The following LCLAT1 variants were observed in gnomAD, a reference collection of about 807,000 sequenced individuals.
The protein encoded by LCLAT1 is 1-AGP acyltransferase 8.
LCLAT1 carries 11 observed loss-of-function variants against 30.7 expected under a neutral mutation model. The ratio of observed to expected loss-of-function variants is 0.36; its 90% CI spans 0.23 to 0.59. The LOEUF is 0.59. LCLAT1 is among the 20% of genes least tolerant of loss of function. The probability of loss-of-function intolerance (pLI) is 0.77; values close to 1 mark genes in which losing one functional copy is unlikely to be tolerated. For synonymous variants in LCLAT1, 155 were observed against 151.3 expected (o/e 1.02, Z -0.18); for missense variants, 402 against 458.6 (o/e 0.88, Z 1.13).
At chr2:30,622,882 A>G (rs1174029729) in intron 5 of LCLAT1, among the ~76,000 whole-genome samples, 2 of 152,112 alleles carry the variant, frequency 1.3e-5, no homozygotes, top group Non-Finnish European at 2.9e-5. Flanking sequence ...TTCTGGTAAT[A>G]TGACAAAAGA....
In LCLAT1 at chr2:30,591,832, A is replaced by G. The variant is rs139620259; in HGVS notation, c.628+23656A>G. 4.5e-3 allele frequency among the ~76,000 whole-genome samples: 692 copies of G among 152,174 alleles called. 2 individuals are homozygous for G. Among genetic ancestry groups the G allele is most frequent in the Non-Finnish European group, 7.2e-3 (488 of 67,988 alleles). ...CTAGTCCAGAGCTGAATACCTATAC[A>G]CCTTGAAAATTGGCTTGGTTATTGC... On this transcript the variant is annotated intron_variant, in intron 5 of 5. Transcript: ENST00000379509.
At chr2:30,501,569 G>A (rs1318015793) in intron 1 of LCLAT1, among the ~76,000 whole-genome samples, 1 of 152,128 alleles carries the variant, frequency 6.6e-6, no homozygotes, top group Non-Finnish European at 1.5e-5. Context: ...CAGCTATTTG[G>A]GAGGCTCAGG....
chr2:30,583,021 G>A (rs1290388304), intron 5 of LCLAT1, among the ~76,000 whole-genome samples: 1 of 152,096 alleles, frequency 6.6e-6, no homozygotes, highest in Non-Finnish European at 1.5e-5. Flanking sequence ...CCATTTTTCT[G>A]CACTATAAAC....
At chr2:30,543,898 A>G (rs958147889) in intron 3 of LCLAT1, among the ~76,000 whole-genome samples, 37 of 151,742 alleles carry the variant, frequency 2.4e-4, no homozygotes, top group African/African-American at 8.0e-4. Flanking sequence ...ACTGATTTCT[A>G]TTCTTATCTT....
At chr2:30,605,941 C>G (rs1489095221) in intron 5 of LCLAT1, 19 of 1,104,854 alleles carry the variant, frequency 1.7e-5, no homozygotes, top group Non-Finnish European at 2.1e-5. Context: ...CTAGATCCCT[C>G]ACTTGCACAG....
At chr2:30,562,344 C>A (rs984558966) in intron 4 of LCLAT1, 52 bp downstream of exon 4, 3 of 1,435,476 alleles carry the variant, frequency 2.1e-6, no homozygotes, top group Non-Finnish European at 9.5e-7. Flanking sequence ...CTAAACTTCT[C>A]ATTTCTCAGA....
chr2:30,469,472 C>T lies in LCLAT1; in HGVS notation c.-5+22089C>T, dbSNP rs181709010. 2.1e-3 allele frequency among the ~76,000 whole-genome samples: 323 copies of T among 151,866 alleles called. 2 individuals are homozygous for T. Among genetic ancestry groups the T allele is most frequent in the Admixed American group, 2.9e-3 (45 of 15,258 alleles). ...AGTATCATTTGTTACAGATATTGTT[C>T]TCTCTCCATTGAATGGTCTTTGCAC... On this transcript the variant is annotated intron_variant, in intron 1 of 5. Transcript: ENST00000379509.
At chr2:30,505,196 G>A (rs1684595497) in intron 1 of LCLAT1, among the ~76,000 whole-genome samples, 1 of 151,986 alleles carries the variant, frequency 6.6e-6, no homozygotes, top group South Asian at 2.1e-4. Flanking sequence ...ATACTAAGAG[G>A]GAATTAATGA....
chr2:30,447,990 G>A (rs1309035592), intron 1 of LCLAT1, among the ~76,000 whole-genome samples: 1 of 152,230 alleles, frequency 6.6e-6, no homozygotes, highest in Non-Finnish European at 1.5e-5. Flanking sequence ...TGATCTTTAA[G>A]GTGTATCGTA....
At chr2:30,481,879 T>A (rs1485143386) in intron 1 of LCLAT1, among the ~76,000 whole-genome samples, 1 of 152,216 alleles carries the variant, frequency 6.6e-6, no homozygotes, top group African/African-American at 2.4e-5. Flanking sequence ...GCATTATCCA[T>A]AAATGGCTGT....
chr2:30,567,240 TC>T (rs1224229910), intron 4 of LCLAT1, among the ~76,000 whole-genome samples: 7 of 152,220 alleles, frequency 4.6e-5, no homozygotes, highest in Non-Finnish European at 7.3e-5. Flanking sequence ...TTTCATGAAA[TC>T]TTTTAAACAA....
At chr2:30,484,083 A>G (rs1683449759) in intron 1 of LCLAT1, among the ~76,000 whole-genome samples, 2 of 152,184 alleles carry the variant, frequency 1.3e-5, no homozygotes, top group African/African-American at 4.8e-5. Context: ...GTGGCCTCCC[A>G]GGAAAATTAG....
At chr2:30,639,291 T>G (rs1331315436) in intron 5 of LCLAT1, among the ~76,000 whole-genome samples, 1 of 152,200 alleles carries the variant, frequency 6.6e-6, no homozygotes, top group Non-Finnish European at 1.5e-5. Flanking sequence ...TATGCATGCC[T>G]GCCTCCCCAG....
chr2:30,467,995 T>C (rs1352342672), intron 1 of LCLAT1, among the ~76,000 whole-genome samples: 1 of 152,220 alleles, frequency 6.6e-6, no homozygotes, highest in Non-Finnish European at 1.5e-5. Flanking sequence ...TTTGGTGTTT[T>C]AGACATGAAG....
intron 5 of LCLAT1, among the ~76,000 whole-genome samples, chr2:30,634,517 T>C (rs1307927538): frequency 1.3e-5 from 2 of 152,098 alleles, no homozygotes; most frequent in Admixed American, 1.3e-4. Context: ...TCCCAGCTAC[T>C]CGGGAGGCTG....
intron 3 of LCLAT1, among the ~76,000 whole-genome samples, chr2:30,548,323 G>T (rs1264067758): frequency 6.6e-6 from 1 of 152,140 alleles, no homozygotes; most frequent in Non-Finnish European, 1.5e-5. Context: ...GCCCAAAGTG[G>T]TCGGGGTACA....
At chr2:30,622,790 A>C (rs1272533913) in intron 5 of LCLAT1, among the ~76,000 whole-genome samples, 1 of 152,128 alleles carries the variant, frequency 6.6e-6, no homozygotes, top group Non-Finnish European at 1.5e-5. Flanking sequence ...CCATGGGACA[A>C]AAGAATCTGA....
intron 5 of LCLAT1, among the ~76,000 whole-genome samples, chr2:30,612,767 T>C (rs915191368): frequency 1.1e-4 from 16 of 152,134 alleles, no homozygotes; most frequent in African/African-American, 3.1e-4. Context: ...TGCAGGCTGT[T>C]AGGGAAGGCT....
At chr2:30,577,156 A>G (rs1008831103) in intron 5 of LCLAT1, among the ~76,000 whole-genome samples, 1 of 150,902 alleles carries the variant, frequency 6.6e-6, no homozygotes. Flanking sequence ...GGCTCCCTAT[A>G]CATATCTGAC....
Sources: gnomAD v4.1 joint callset for allele counts (sites outside exome capture counted in the v4.1 genomes callset) on GRCh38, gnomAD v4.1.1 for gene constraint, MANE v1.5 for transcripts, NCBI Gene and HGNC (gene_info 2026-07-23, HGNC 2026-07-21) for gene names.